The following GRB14 variants were observed in gnomAD, a reference collection of about 807,000 sequenced individuals.
GRB14 encodes growth factor receptor bound protein 14.
A neutral mutation model predicts 69.1 loss-of-function variants in GRB14; 38 were observed. That is an observed-to-expected ratio of 0.55 (90% confidence interval 0.42 to 0.72). The LOEUF is 0.72. GRB14 is among the 30% of genes least tolerant of loss of function. The pLI is 0.00. For synonymous variants in GRB14, 247 were observed against 241.3 expected, an observed-to-expected ratio of 1.02 and a Z score of -0.22; for missense variants, 666 against 666.1, an observed-to-expected ratio of 1.00 and a Z score of 0.00.
chr2:164,597,225 A>G (rs924972345), intron 2 of GRB14, among the ~76,000 whole-genome samples: 1 of 152,212 alleles, frequency 6.6e-6, no homozygotes, highest in Non-Finnish European at 1.5e-5. Context: ...CACTTACCAT[A>G]TACAATATAC....
chr2:164,619,301 A>G (rs1690382428), intron 2 of GRB14, among the ~76,000 whole-genome samples: 2 of 152,200 alleles, frequency 1.3e-5, no homozygotes, highest in Admixed American at 1.3e-4. Flanking sequence ...TAAAGAAAGT[A>G]TTAAAGGAAT....
At chr2:164,508,874 A>G (rs749125682) in intron 6 of GRB14, 22 bp from the exon 7 acceptor site, 5 of 1,458,660 alleles carry the variant, frequency 3.4e-6, no homozygotes, top group Non-Finnish European at 2.8e-6. Context: ...AAGTATTGAC[A>G]TGGATACATA....
At chr2:164,526,441 T>C (rs1032045196) in intron 4 of GRB14, among the ~76,000 whole-genome samples, 2 of 152,026 alleles carry the variant, frequency 1.3e-5, no homozygotes, top group African/African-American at 4.8e-5. Flanking sequence ...TACTAGATAA[T>C]GCACTGGTCT....
chr2:164,543,258 G>A (rs985777636), intron 3 of GRB14, among the ~76,000 whole-genome samples: 1 of 151,218 alleles, frequency 6.6e-6, no homozygotes, highest in Non-Finnish European at 1.5e-5. Flanking sequence ...CTAAGATCGC[G>A]CCACTGCACT....
intron 2 of GRB14, among the ~76,000 whole-genome samples, chr2:164,575,259 AT>A (rs1230227692): frequency 1.3e-5 from 2 of 152,220 alleles, no homozygotes; most frequent in Non-Finnish European, 2.9e-5. Context: ...AATGTTCAAA[AT>A]TTTGAACATA....
intron 2 of GRB14, among the ~76,000 whole-genome samples, chr2:164,575,632 A>C (rs1689233959): frequency 6.6e-6 from 1 of 151,492 alleles, no homozygotes; most frequent in Non-Finnish European, 1.5e-5. Context: ...AAATCATAGG[A>C]GAATTCTAAG....
intron 8 of GRB14, among the ~76,000 whole-genome samples, chr2:164,502,664 A>AC (rs397868508): frequency 6.6e-6 from 1 of 151,462 alleles, no homozygotes; most frequent in Non-Finnish European, 1.5e-5. Flanking sequence ...AAAAAAAAAA[A>AC]CTCACTTGGG....
intron 2 of GRB14, among the ~76,000 whole-genome samples, chr2:164,576,606 G>T: frequency 6.6e-6 from 1 of 151,752 alleles, no homozygotes; most frequent in Non-Finnish European, 1.5e-5. Context: ...AATTGAAAGT[G>T]TAAAATGTCT....
chr2:164,590,517 T>C (rs1574338166), intron 2 of GRB14, among the ~76,000 whole-genome samples: 1 of 152,332 alleles, frequency 6.6e-6, no homozygotes, highest in East Asian at 1.9e-4. Flanking sequence ...CATGACCTTA[T>C]GCCACACTCA....
intron 2 of GRB14, among the ~76,000 whole-genome samples, chr2:164,601,909 GA>G (rs1689921981): frequency 6.6e-6 from 1 of 151,696 alleles, no homozygotes. Context: ...TACATATCTA[GA>G]AATAAACTAA....
At chr2:164,510,225 A>G (rs1687304960) in intron 6 of GRB14, among the ~76,000 whole-genome samples, 1 of 152,236 alleles carries the variant, frequency 6.6e-6, no homozygotes, top group African/African-American at 2.4e-5. Context: ...TATTCAAACA[A>G]GAGTAAAAGG....
At chr2:164,566,647 A>G (rs923368195) in intron 2 of GRB14, among the ~76,000 whole-genome samples, 1 of 152,164 alleles carries the variant, frequency 6.6e-6, no homozygotes, top group Non-Finnish European at 1.5e-5. Flanking sequence ...AAGTTTTCCC[A>G]TAACCAATTT....
In GRB14 at chr2:164,621,066, CCTCGCCGGCTGCCCAGCCAGGACA is replaced by C. The variant is rs1314702789; in HGVS notation, c.191+29_191+52del. Reference sequence around the variant, plus strand: ...ACCCCCTAGGACCGCCTCCTCACCCCCTCGCCGGCTGCCCAGCCAGGACACTCCCCCGCGCCCTCCAGGGTTGCC... The same window carrying C: ...ACCCCCTAGGACCGCCTCCTCACCCCCTCCCCCGCGCCCTCCAGGGTTGCC... On this transcript the variant is annotated intron_variant, in intron 1 of 13. Coordinates refer to ENST00000263915, the MANE Select transcript of GRB14 (RefSeq NM_004490.3). The surrounding 1 kb of genome is among the most constrained non-coding windows in gnomAD (Gnocchi z 6.0). 2.4e-5 allele frequency: 30 copies of C among 1,239,276 alleles called. No individual in the cohort carries two copies. The highest frequency in any genetic ancestry group is 3.1e-5 in the Non-Finnish European group (30 of 983,128). The allele number at this position is 1,239,276 out of a possible 1,614,324, so 76.8% of individuals were successfully genotyped here.
At chr2:164,518,921 C>T (rs1687563180) in intron 6 of GRB14, among the ~76,000 whole-genome samples, 1 of 152,042 alleles carries the variant, frequency 6.6e-6, no homozygotes, top group South Asian at 2.1e-4. Flanking sequence ...GATGGATTCA[C>T]AGCTGAATTC....
chr2:164,503,761 C>G (rs1000684907), intron 8 of GRB14, among the ~76,000 whole-genome samples: 36 of 152,168 alleles, frequency 2.4e-4, no homozygotes, highest in African/African-American at 8.2e-4. Flanking sequence ...AACACTTTCA[C>G]AAGAAACATG....
chr2:164,606,245 T>C (rs1690038103), intron 2 of GRB14, among the ~76,000 whole-genome samples: 1 of 152,174 alleles, frequency 6.6e-6, no homozygotes, highest in African/African-American at 2.4e-5. Flanking sequence ...AGGAGGTCCA[T>C]CATTCCACAA....
chr2:164,519,607 A>G (rs564479823), intron 6 of GRB14, among the ~76,000 whole-genome samples: 3 of 152,036 alleles, frequency 2.0e-5, no homozygotes, highest in Admixed American at 6.6e-5. Context: ...TACCTAGAAA[A>G]CCCTAAAGAT....
chr2:164,511,115 C>T (rs1000048073), intron 6 of GRB14, among the ~76,000 whole-genome samples: 1 of 152,182 alleles, frequency 6.6e-6, no homozygotes, highest in Non-Finnish European at 1.5e-5. Context: ...AACTCGAGTT[C>T]TGGCGAGCCT....
chr2:164,508,975 A>T (rs1178790009), intron 6 of GRB14, 123 bp from the exon 7 acceptor site: 11 of 479,320 alleles, frequency 2.3e-5, no homozygotes, highest in Non-Finnish European at 3.8e-5. Context: ...ATGATGCCAC[A>T]AAAATAAAAG....
Sources: gnomAD v4.1 joint callset for allele counts (sites outside exome capture counted in the v4.1 genomes callset) on GRCh38, gnomAD v4.1.1 for gene constraint, Gnocchi (gnomAD v3.1) non-coding constraint, MANE v1.5 for transcripts, NCBI Gene and HGNC (gene_info 2026-07-23, HGNC 2026-07-21) for gene names.